Variants in LIPG observed in about 807,000 individuals in gnomAD.
LIPG encodes endothelial lipase.
In LIPG, 34 loss-of-function variants were observed where a neutral mutation model predicts 51.8. The observed-to-expected ratio is 0.66, with a 90% confidence interval of 0.50 to 0.87. The LOEUF (loss-of-function observed/expected upper bound fraction) is 0.87, where lower values mean the gene tolerates loss of function less well. LIPG is among the 40% of genes least tolerant of loss of function. The pLI, the probability that LIPG is intolerant of heterozygous loss-of-function variation, is 0.00. For synonymous variants in LIPG, 246 were observed against 246.1 expected, an observed-to-expected ratio of 1.00 and a Z score of 0.00; for missense variants, 580 against 652.7, an observed-to-expected ratio of 0.89 and a Z score of 1.21.
rs908517935 is a variant in LIPG at position 49,594,869 on chromosome 18, A to C, written c.*4347A>C. Reference sequence around the variant, plus strand: ...TAACTTGGTTCAGATGTCAGAGGAAAGCAGAAAATGGTGTCTCTGGCATAG... The same window carrying C: ...TAACTTGGTTCAGATGTCAGAGGAACGCAGAAAATGGTGTCTCTGGCATAG... On this transcript the variant is annotated 3_prime_UTR_variant, in exon 10 of 10. Coordinates refer to ENST00000261292, the MANE Select transcript of LIPG (RefSeq NM_006033.4). 1 of 152,238 alleles carries C rather than the reference A, an allele frequency of 6.6e-6. No individual in the cohort carries two copies. Among genetic ancestry groups the C allele is most frequent in the African/African-American group, 2.4e-5 (1 of 41,462 alleles). The allele number at this position is 152,238 out of a possible 1,614,324, so 9.4% of individuals were successfully genotyped here.
chr18:49,567,070 C>T (rs550262433), intron 2 of LIPG, among the ~76,000 whole-genome samples: 2 of 152,232 alleles, frequency 1.3e-5, no homozygotes, highest in Non-Finnish European at 2.9e-5. Context: ...GGCATGGTGG[C>T]TCACGCCTAT....
chr18:49,564,454 C>T (rs1259832326), intron 1 of LIPG, among the ~76,000 whole-genome samples: 1 of 152,212 alleles, frequency 6.6e-6, no homozygotes, highest in Non-Finnish European at 1.5e-5. Context: ...TCCTAGGTGG[C>T]ACTGTGCATG....
At chr18:49,586,681 C>T in intron 8 of LIPG, 65 bp from the exon 9 acceptor site, 1 of 1,211,932 alleles carries the variant, frequency 8.3e-7, no homozygotes, top group South Asian at 1.2e-5. Context: ...TGCCTTGAAT[C>T]TAGAAAGCAC....
chr18:49,590,129 A>G, intron 9 of LIPG: 1 of 375,932 alleles, frequency 2.7e-6, no homozygotes, highest in South Asian at 2.4e-5. Flanking sequence ...GATCAAGGCA[A>G]AGAGGACACT....
chr18:49,584,479 A>G lies in LIPG; in HGVS notation c.1376+705A>G, dbSNP rs569785340. Among the ~76,000 whole-genome samples the G allele has an allele frequency of 9.3e-4, 141 of 152,350 alleles. 1 individual carries two copies. Among genetic ancestry groups the G allele is most frequent in the African/African-American group, 3.3e-3 (136 of 41,584 alleles). ...AGGGAAGCCTGCGAGACCTTTGTCA[A>G]GAAGGGAGAGTTTCCTTAACCAAGT... On this transcript the variant is annotated intron_variant, in intron 8 of 9. Transcript: ENST00000261292.
chr18:49,575,699 C>T, intron 5 of LIPG, 109 bp downstream of exon 5: 1 of 888,420 alleles, frequency 1.1e-6, no homozygotes, highest in Non-Finnish European at 1.8e-6. Flanking sequence ...ATTCTCACCT[C>T]CCACCACAGA....
rs1277307424 is a variant in LIPG, at chr18:49,595,410, T to G, written c.*4888T>G. On this transcript the variant is annotated 3_prime_UTR_variant, in exon 10 of 10. Transcript: ENST00000261292. ...TAAATACAGCCTTTCTGAGTCTCTATCTGCTCATTTAAGAAACAGAGACAA... is the reference window on the plus strand; with the variant it reads ...TAAATACAGCCTTTCTGAGTCTCTAGCTGCTCATTTAAGAAACAGAGACAA... 1 of 152,240 alleles carries G rather than the reference T, an allele frequency of 6.6e-6. No homozygotes were observed. Among genetic ancestry groups the G allele is most frequent in the African/African-American group, 2.4e-5 (1 of 41,470 alleles). The allele number at this position is 152,240 out of a possible 1,614,324, so 9.4% of individuals were successfully genotyped here. A position where few individuals can be genotyped will look rare whatever the true frequency, so the allele number is the denominator to read the frequency against.
rs2084978990 is a variant in LIPG at position 49,595,712 on chromosome 18, CA to C, written c.*5191del. Reference sequence around the variant, plus strand: ...GCGTGGTGGCACGTGCCTGTAGTCCCAGCTACGCCGGAGGCTGAGGCAGAAG... The same window carrying C: ...GCGTGGTGGCACGTGCCTGTAGTCCCGCTACGCCGGAGGCTGAGGCAGAAG... On this transcript the variant is annotated 3_prime_UTR_variant, in exon 10 of 10. Transcript: ENST00000261292. The C allele has an allele frequency of 6.6e-6, 1 of 152,206 alleles. No homozygotes were observed. Among genetic ancestry groups the C allele is most frequent in the African/African-American group, 2.4e-5 (1 of 41,438 alleles). 9.4% of individuals were successfully genotyped at this position (152,206 alleles called of 1,614,324 possible).
rs9963243 is a variant in LIPG at position 49,562,384 on chromosome 18, G to A, written c.76G>A (p.Gly26Ser). ...TGCTGCGGGGAGCCCCGTACCTTTT[G>A]GTCCAGAGGGACGGCTGGAAGGTAA... ...CFAAGSPVPF[G>S]PEGRLEDKLH... Residue 26 changes from glycine to serine, a missense_variant, in exon 1 of 10, where the codon GGT becomes AGT. Transcript: ENST00000261292. The A allele has an allele frequency of 2.6e-3, 4,234 of 1,613,942 alleles. 104 individuals carry two copies. In the African/African-American group the frequency reaches 0.051, roughly 19 times the overall value.
chr18:49,579,015 G>T (rs1309489541), intron 5 of LIPG, among the ~76,000 whole-genome samples: 29 of 90 alleles, frequency 0.32, 1 homozygote, highest in East Asian at 0.5. Context: ...AGAGGGAGAG[G>T]GAGAGGGAGA....
At chr18:49,585,141 A>C (rs1260476311) in intron 8 of LIPG, among the ~76,000 whole-genome samples, 1 of 152,200 alleles carries the variant, frequency 6.6e-6, no homozygotes, top group East Asian at 1.9e-4. Context: ...GGCTCACTGC[A>C]AACTCCGCCT....
At chr18:49,573,862 T>G (rs2084688626) in intron 4 of LIPG, among the ~76,000 whole-genome samples, 2 of 152,182 alleles carry the variant, frequency 1.3e-5, no homozygotes, top group Non-Finnish European at 2.9e-5. Context: ...AGGCCAGGTT[T>G]TCTCAGCCTA....
At chr18:49,574,857 T>A (rs1288475646) in intron 4 of LIPG, among the ~76,000 whole-genome samples, 1 of 152,180 alleles carries the variant, frequency 6.6e-6, no homozygotes, top group Non-Finnish European at 1.5e-5. Flanking sequence ...GGAAGAAGAA[T>A]AAATTCAGAT....
At position 49,579,853 on chromosome 18, in the gene LIPG, C is replaced by T. The variant is rs140257923; in HGVS notation, c.794-1562C>T. On this transcript the variant is annotated intron_variant, in intron 5 of 9. Coordinates refer to ENST00000261292, the MANE Select transcript of LIPG (RefSeq NM_006033.4). ...CTTTTGATGGAGTTTCACTCTTGTT[C>T]CCCAGGCTGGAGTGCAATGGTGTGA... is the stretch of plus-strand genomic sequence containing the variant. Among the ~76,000 whole-genome samples the T allele has an allele frequency of 5.2e-3, 756 of 146,326 alleles. 10 individuals are homozygous for T. The highest frequency in any genetic ancestry group is 0.019 in the African/African-American group (722 of 38,930).
At chr18:49,585,328 G>C (rs1221749599) in intron 8 of LIPG, among the ~76,000 whole-genome samples, 1 of 152,200 alleles carries the variant, frequency 6.6e-6, no homozygotes, top group Non-Finnish European at 1.5e-5. Context: ...CTCCCAAAGT[G>C]CTGAGATTAC....
rs1035628017 is a variant in LIPG at position 49,596,030 on chromosome 18, A to G, written c.*5508A>G. On this transcript the variant is annotated 3_prime_UTR_variant, in exon 10 of 10. Coordinates refer to ENST00000261292, the MANE Select transcript of LIPG (RefSeq NM_006033.4). ...ATGAATTCCAAAATACCTATTGGGT[A>G]CTATGCTTATTACCTGAGTGACGAA... 4.6e-5 allele frequency: 7 copies of G among 152,184 alleles called. No homozygotes were observed. The highest frequency in any genetic ancestry group is 7.2e-5 in the African/African-American group (3 of 41,444). 9.4% of individuals were successfully genotyped at this position (152,184 alleles called of 1,614,324 possible).
chr18:49,566,680 A>C (rs559822415), intron 2 of LIPG, among the ~76,000 whole-genome samples: 1 of 152,216 alleles, frequency 6.6e-6, no homozygotes, highest in African/African-American at 2.4e-5. Flanking sequence ...GGTTGTGGGA[A>C]GGGGTCATTT....
rs2084991919 is a variant in LIPG, at chr18:49,598,127, A to C, written c.*7605A>C. 6.6e-6 allele frequency: 1 copy of C among 152,200 alleles called. No individual in the cohort carries two copies. Among genetic ancestry groups the C allele is most frequent in the Non-Finnish European group, 1.5e-5 (1 of 68,046 alleles). 9.4% of individuals were successfully genotyped at this position (152,200 alleles called of 1,614,324 possible). A position where few individuals can be genotyped will look rare whatever the true frequency, so the allele number is the denominator to read the frequency against. On this transcript the variant is annotated 3_prime_UTR_variant, in exon 10 of 10. Coordinates refer to ENST00000261292, the MANE Select transcript of LIPG (RefSeq NM_006033.4). ...TTTGAAGAATATATATCATCCAAAA[A>C]GAGGTCCTAGGAAATGTGGCTTCAC...
At chr18:49,578,001 A>T in intron 5 of LIPG, among the ~76,000 whole-genome samples, 2 of 117,404 alleles carry the variant, frequency 1.7e-5, no homozygotes, top group East Asian at 3.0e-4. Context: ...CCCGGACGGC[A>T]CGGCTGGCCA....
Sources: allele counts gnomAD v4.1 joint callset (sites outside exome capture counted in the v4.1 genomes callset), GRCh38; gene constraint gnomAD v4.1.1; transcripts MANE v1.5; gene names NCBI Gene and HGNC (gene_info 2026-07-23, HGNC 2026-07-21).